PKHD1L1: variants seen among roughly 807,000 people sequenced by gnomAD.
PKHD1L1 encodes the protein PKHD1 like 1.
In PKHD1L1, 434 loss-of-function variants were observed where a neutral mutation model predicts 462.9. That is an observed-to-expected ratio of 0.94 (90% confidence interval 0.87 to 1.02). The LOEUF (loss-of-function observed/expected upper bound fraction) is 1.02. Among genes scored for constraint, PKHD1L1 ranks in the 50% least tolerant of loss-of-function variants. PKHD1L1 has a pLI of 0.00. For synonymous variants in PKHD1L1, 1,781 were observed against 1,750.0 expected (o/e 1.02, Z -0.44); for missense variants, 5,202 against 5,096.1 (o/e 1.02, Z -0.63).
intron 55 of PKHD1L1, chr8:109,480,486 TTG>T (rs1161891621): frequency 2.3e-6 from 1 of 430,780 alleles, no homozygotes; most frequent in Non-Finnish European, 4.5e-6. Context: ...TTTAAGCCTT[TTG>T]TTCTTTAAAT....
At chr8:109,471,229 G>C in intron 50 of PKHD1L1, 1 of 592,818 alleles carries the variant, frequency 1.7e-6, no homozygotes, top group East Asian at 3.2e-5. Context: ...ATTTAGTAAG[G>C]GTTTTATGAG....
intron 20 of PKHD1L1, among the ~76,000 whole-genome samples, chr8:109,412,961 G>A (rs751685918): frequency 6.6e-6 from 1 of 151,986 alleles, no homozygotes. Flanking sequence ...AGGACTTGGG[G>A]ACCATTAAAA....
chr8:109,505,851 G>A (rs1563620131), intron 68 of PKHD1L1, among the ~76,000 whole-genome samples: 1 of 152,202 alleles, frequency 6.6e-6, no homozygotes, highest in Admixed American at 6.5e-5. Flanking sequence ...GCTGCAGTCA[G>A]CTGTGATCAC....
intron 50 of PKHD1L1, among the ~76,000 whole-genome samples, chr8:109,467,982 T>C (rs955799379): frequency 6.6e-6 from 1 of 152,202 alleles, no homozygotes; most frequent in African/African-American, 2.4e-5. Flanking sequence ...TTACCATTTC[T>C]CATCAGTATT....
intron 50 of PKHD1L1, among the ~76,000 whole-genome samples, chr8:109,468,276 C>G (rs1425696196): frequency 6.6e-6 from 1 of 152,110 alleles, no homozygotes; most frequent in Non-Finnish European, 1.5e-5. Flanking sequence ...CAACTCCTGC[C>G]CTCATTTCAA....
chr8:109,519,264 G>A (rs1402608730), intron 73 of PKHD1L1, among the ~76,000 whole-genome samples: 1 of 152,026 alleles, frequency 6.6e-6, no homozygotes, highest in East Asian at 1.9e-4. Flanking sequence ...TGTCCCATCA[G>A]AGAAATCTCT....
chr8:109,368,356 T>C (rs1811331445), intron 2 of PKHD1L1, among the ~76,000 whole-genome samples: 1 of 152,230 alleles, frequency 6.6e-6, no homozygotes, highest in Non-Finnish European at 1.5e-5. Context: ...TGCCATTTCA[T>C]ATCATGTGAC....
At chr8:109,441,968 T>C in intron 34 of PKHD1L1, 39 bp from the exon 35 acceptor site, 1 of 1,485,164 alleles carries the variant, frequency 6.7e-7, no homozygotes, top group Non-Finnish European at 9.0e-7. Flanking sequence ...TAAGAAATTC[T>C]CTTTTTCTTT....
At chr8:109,503,945 G>A (rs1819563136) in intron 67 of PKHD1L1, among the ~76,000 whole-genome samples, 1 of 152,132 alleles carries the variant, frequency 6.6e-6, no homozygotes, top group African/African-American at 2.4e-5. Context: ...GGGGCGATAG[G>A]AGTGATAGAG....
At chr8:109,470,285 C>T in intron 50 of PKHD1L1, 2 of 1,470,630 alleles carry the variant, frequency 1.4e-6, no homozygotes, top group Non-Finnish European at 1.9e-6. Flanking sequence ...TGTAGCCATA[C>T]TTGTAACTGC....
At chr8:109,487,609 T>A (rs548650149) in intron 59 of PKHD1L1, among the ~76,000 whole-genome samples, 2 of 152,026 alleles carry the variant, frequency 1.3e-5, no homozygotes, top group African/African-American at 4.8e-5. Context: ...CTGTGGAGTT[T>A]CCAACAGTCT....
At position 109,451,055 on chromosome 8, in the gene PKHD1L1, G is replaced by A. The variant is rs78213464; in HGVS notation, c.6256G>A (p.Ala2086Thr). Residue 2086 changes from alanine to threonine, a missense_variant, in exon 41 of 78, where the codon GCA becomes ACA. Ala to Thr is a moderately conservative substitution (Grantham distance 58, BLOSUM62 0). Around this residue, in one of 3 missense-constraint regions of PKHD1L1, gnomAD observed 4,497 missense variants for 4,336.8 expected, o/e 1.04. Coordinates refer to ENST00000378402, the MANE Select transcript of PKHD1L1 (RefSeq NM_177531.6). ...ACAGTCCATGACTCCGTTTACGTAC[G>A]CAGTGTCACTGACTCCACTCATCAC... ...LSQSMTPFTYAVSLTPLITAV... is the reference protein window; with the variant it reads ...LSQSMTPFTYTVSLTPLITAV... The A allele has an allele frequency of 4.7e-4, 762 of 1,613,792 alleles. 10 individuals are homozygous for A. The East Asian group carries it at 0.015, about 31-fold the overall frequency.
rs763447224 is a variant in PKHD1L1, at chr8:109,522,229, T to C, written c.12075T>C (p.Leu4025=). 1.2e-5 allele frequency: 20 copies of C among 1,605,180 alleles called. No homozygotes were observed. Among genetic ancestry groups the C allele is most frequent in the Non-Finnish European group, 1.7e-5 (20 of 1,172,796 alleles). Residue 4025 remains leucine, a synonymous_variant, in exon 74 of 78, where the codon CTT becomes CTC. Transcript: ENST00000378402. The part of the protein sequence containing the change: ...LSELQEIAGS[L]GQAVILGNIS... ...AACTCCAGGAAATTGCTGGTTCTCT[T>C]GGACAAGCTGTAATTTTAGGAAACA...
At chr8:109,520,904 A>G (rs1820519727) in intron 73 of PKHD1L1, among the ~76,000 whole-genome samples, 1 of 152,152 alleles carries the variant, frequency 6.6e-6, no homozygotes, top group Admixed American at 6.5e-5. Context: ...TGCAGACTGC[A>G]TCAGACCTGC....
rs908165772 is a variant in PKHD1L1 at position 109,480,675 on chromosome 8, T to C, written c.9327+536T>C. The C allele has an allele frequency of 1.4e-5, 6 of 441,942 alleles. No homozygotes were observed. In the Middle Eastern group the frequency reaches 1.7e-3, roughly 122 times the overall value. The allele number at this position is 441,942 out of a possible 1,614,324, so 27.4% of individuals were successfully genotyped here. On this transcript the variant is annotated intron_variant, in intron 55 of 77. Transcript: ENST00000378402. ...CTCGATTGTCCTGTCAGTCTTGTAA[T>C]ATTGTTCATGAAAAAGAATTGCTTA...
chr8:109,462,511 C>T (rs746642905), intron 48 of PKHD1L1, among the ~76,000 whole-genome samples: 9 of 152,028 alleles, frequency 5.9e-5, no homozygotes, highest in Non-Finnish European at 1.2e-4. Context: ...ACATTCCTAT[C>T]TCAGGTCCTT....
intron 73 of PKHD1L1, 91 bp from the exon 74 acceptor site, chr8:109,522,095 C>T (rs1196719836): frequency 1.6e-6 from 2 of 1,243,796 alleles, no homozygotes; most frequent in Non-Finnish European, 1.1e-6. Flanking sequence ...TGTGATGGAG[C>T]AATGCAAAGA....
chr8:109,477,160 A>G, intron 52 of PKHD1L1, 65 bp from the exon 53 acceptor site: 1 of 1,538,524 alleles, frequency 6.5e-7, no homozygotes, highest in Non-Finnish European at 8.9e-7. Flanking sequence ...AAATTCCATA[A>G]TTTTGTTTAC....
Position 109,433,168 on chromosome 8 carries a change from G to C in PKHD1L1, c.3292G>C (p.Val1098Leu), listed in dbSNP as rs763092027. ...VGSGFSPSSA[V>L]TVSVGPVGCS... Reference sequence around the variant, plus strand: ...TTCTGGATTTTCTCCTAGTTCAGCTGTAACAGTCTCAGTTGGACCAGTAGG... The same window carrying C: ...TTCTGGATTTTCTCCTAGTTCAGCTCTAACAGTCTCAGTTGGACCAGTAGG... Residue 1098 changes from valine to leucine, a missense_variant, in exon 28 of 78, where the codon GTA becomes CTA. Physicochemically the swap from Val to Leu is conservative, Grantham distance 32. Coordinates refer to ENST00000378402, the MANE Select transcript of PKHD1L1 (RefSeq NM_177531.6). 2.0e-5 allele frequency: 33 copies of C among 1,613,520 alleles called. No individual in the cohort carries two copies. Among genetic ancestry groups the C allele is most frequent in the Non-Finnish European group, 2.0e-5 (24 of 1,179,686 alleles).
Sources: allele counts gnomAD v4.1 joint callset (sites outside exome capture counted in the v4.1 genomes callset), GRCh38; gene constraint gnomAD v4.1.1; regional missense constraint gnomAD v4.1.1; transcripts MANE v1.5; gene names NCBI Gene and HGNC (gene_info 2026-07-23, HGNC 2026-07-21).